The following SMARCAD1 variants were observed in gnomAD, a reference collection of about 807,000 sequenced individuals.
The protein encoded by SMARCAD1 is SNF2 related chromatin remodeling ATPase with DExD box 1, also known as SWI/SNF-related matrix-associated actin-dependent regulator of chromatin subfamily A containing DEAD/H box 1.
A neutral mutation model predicts 127.1 loss-of-function variants in SMARCAD1; 25 were observed. The ratio of observed to expected loss-of-function variants is 0.20; its 90% CI spans 0.14 to 0.27. SMARCAD1 has a LOEUF of 0.27. Ranked by LOEUF, SMARCAD1 falls within the 10% of genes least tolerant of loss-of-function variation. The pLI, the probability that SMARCAD1 is intolerant of heterozygous loss-of-function variation, is 1.00. For missense variants in SMARCAD1, 807 were observed against 1,206.0 expected (o/e 0.67, Z 4.90); for synonymous variants, 400 against 396.9 (o/e 1.01, Z -0.09).
intron 10 of SMARCAD1, among the ~76,000 whole-genome samples, chr4:94,267,443 T>C (rs1425472314): frequency 6.6e-6 from 1 of 152,170 alleles, no homozygotes; most frequent in African/African-American, 2.4e-5. Flanking sequence ...AACAAGTCTC[T>C]CTAGCCCTGT....
chr4:94,259,627 G>A (rs145006766), intron 9 of SMARCAD1, among the ~76,000 whole-genome samples: 150 of 152,086 alleles, frequency 9.9e-4, no homozygotes, highest in Non-Finnish European at 1.8e-3. Context: ...CTGTTAAAGC[G>A]TCCTGAAGTA....
intron 6 of SMARCAD1, among the ~76,000 whole-genome samples, chr4:94,248,140 T>C (rs898355185): frequency 6.6e-6 from 1 of 152,192 alleles, no homozygotes; most frequent in Non-Finnish European, 1.5e-5. Flanking sequence ...TAGGAAATGG[T>C]TTCCAGCTAC....
rs189958784 is a variant in SMARCAD1 at position 94,289,712 on chromosome 4, C to T, written c.*178C>T. On this transcript the variant is annotated 3_prime_UTR_variant, in exon 24 of 24. Coordinates refer to ENST00000354268, the MANE Select transcript of SMARCAD1 (RefSeq NM_020159.5). The stretch of plus-strand genomic sequence containing the variant: ...TAACTGAATTCTCCAAATACTCACA[C>T]GTGAAATTTCAAAAAAGAAGCCACA... 125 of 700,392 alleles carry T rather than the reference C, an allele frequency of 1.8e-4. No individual in the cohort carries two copies. In the African/African-American group the frequency reaches 2.0e-3, roughly 11 times the overall value. The allele number at this position is 700,392 out of a possible 1,614,324, so 43.4% of individuals were successfully genotyped here.
At chr4:94,223,734 ATT>A (rs944591007) in intron 2 of SMARCAD1, among the ~76,000 whole-genome samples, 3 of 100,168 alleles carry the variant, frequency 3.0e-5, no homozygotes, top group Non-Finnish European at 2.0e-5. Flanking sequence ...CTCCCGGCTA[ATT>A]TTTTTTTTTT....
Position 94,278,947 on chromosome 4 carries a change from G to A in SMARCAD1, c.2315G>A (p.Cys772Tyr), listed in dbSNP as rs754527654. 5 of 1,613,952 alleles carry A rather than the reference G, an allele frequency of 3.1e-6. No homozygotes were observed. The highest frequency in any genetic ancestry group is 4.2e-6 in the Non-Finnish European group (5 of 1,179,948). The change falls in exon 19 of 24, where the codon TGC becomes TAC. Residue 772 changes from cysteine (C) to tyrosine (Y), a missense_variant. Coordinates refer to ENST00000354268, the MANE Select transcript of SMARCAD1 (RefSeq NM_020159.5). Reference protein sequence around the residue: ...INNLEKNTEMCNVMMQLRKMA... With the variant: ...INNLEKNTEMYNVMMQLRKMA... ...GTCACAGAAAAAAACACAGAAATGT[G>A]CAATGTCATGATGCAGTTGAGGAAA... is the stretch of plus-strand genomic sequence containing the variant.
At chr4:94,278,285 C>T in intron 16 of SMARCAD1, 137 bp from the exon 17 acceptor site, 1 of 739,596 alleles carries the variant, frequency 1.4e-6, no homozygotes, top group Admixed American at 2.4e-5. Flanking sequence ...ATGTGAAGTG[C>T]CATCTAGAAT....
At chr4:94,253,688 T>C in intron 9 of SMARCAD1, 1 of 996,588 alleles carries the variant, frequency 1.0e-6, no homozygotes, top group South Asian at 4.4e-5. Flanking sequence ...ACACTTTGCA[T>C]GATCATTTTC....
At chr4:94,223,435 A>T (rs191263255) in intron 2 of SMARCAD1, among the ~76,000 whole-genome samples, 1 of 151,844 alleles carries the variant, frequency 6.6e-6, no homozygotes, top group African/African-American at 2.4e-5. Flanking sequence ...GGAGGTTGCA[A>T]TGAGCTGAGA....
At chr4:94,275,964 A>AT (rs1186446024) in intron 14 of SMARCAD1, among the ~76,000 whole-genome samples, 2 of 151,446 alleles carry the variant, frequency 1.3e-5, no homozygotes, top group Non-Finnish European at 2.9e-5. Flanking sequence ...CACCCGGCTA[A>AT]TTTTTTATAT....
chr4:94,284,044 G>A (rs188149214), intron 22 of SMARCAD1, among the ~76,000 whole-genome samples: 171 of 151,926 alleles, frequency 1.1e-3, no homozygotes, highest in African/African-American at 2.9e-3. Context: ...GAAGATAGCC[G>A]GGCACGGTGG....
chr4:94,273,356 CTT>C (rs2125983139), intron 11 of SMARCAD1, among the ~76,000 whole-genome samples: 1 of 152,270 alleles, frequency 6.6e-6, no homozygotes, highest in East Asian at 1.9e-4. Context: ...TGCAAAAAGT[CTT>C]CCATATTAAT....
chr4:94,242,765 T>A (rs1337802411), intron 6 of SMARCAD1, among the ~76,000 whole-genome samples: 1 of 151,844 alleles, frequency 6.6e-6, no homozygotes, highest in African/African-American at 2.4e-5. Flanking sequence ...AAAATTTTTT[T>A]AATTAGCTGG....
At chr4:94,214,455 G>T (rs1333295477) in intron 2 of SMARCAD1, among the ~76,000 whole-genome samples, 1 of 151,030 alleles carries the variant, frequency 6.6e-6, no homozygotes. Flanking sequence ...TTTTAGTAGA[G>T]ACCCGGTTTC....
At position 94,250,733 on chromosome 4, in the gene SMARCAD1, A is replaced by C. The variant is rs778122049; in HGVS notation, c.808-19A>C. ...CTAATTTGAGATTTTTAACAAAAAGATAAATGACTTATTTCTAGGAACTTA... is the reference window on the plus strand; with the variant it reads ...CTAATTTGAGATTTTTAACAAAAAGCTAAATGACTTATTTCTAGGAACTTA... On this transcript the variant is annotated intron_variant, in intron 7 of 23. Coordinates refer to ENST00000354268, the MANE Select transcript of SMARCAD1 (RefSeq NM_020159.5). The C allele has an allele frequency of 6.4e-7, 1 of 1,554,978 alleles. No homozygotes were observed. Among genetic ancestry groups the C allele is most frequent in the Non-Finnish European group, 8.7e-7 (1 of 1,145,790 alleles).
At chr4:94,259,056 A>G (rs1433257830) in intron 9 of SMARCAD1, among the ~76,000 whole-genome samples, 1 of 152,164 alleles carries the variant, frequency 6.6e-6, no homozygotes, top group Non-Finnish European at 1.5e-5. Context: ...CATTACCCAC[A>G]ATATATTAAG....
intron 2 of SMARCAD1, among the ~76,000 whole-genome samples, chr4:94,210,254 A>G (rs1457377993): frequency 6.6e-6 from 1 of 152,250 alleles, no homozygotes; most frequent in African/African-American, 2.4e-5. Context: ...GCTTCGGGAA[A>G]TAAGAAAACT....
At chr4:94,226,358 T>G in intron 3 of SMARCAD1, 62 bp downstream of exon 3, 1 of 1,325,428 alleles carries the variant, frequency 7.5e-7, no homozygotes, top group Non-Finnish European at 1.1e-6. Flanking sequence ...GAAAAAAACC[T>G]ACCTAATTTG....
At position 94,208,343 on chromosome 4, in the gene SMARCAD1, C is replaced by G; in HGVS notation, c.-49-3C>G. ...TTTTCCTCTCTTTATTTTTCCCCTGCAGATAGTTCATTTAAAGCCCCCATC... is the reference window on the plus strand; with the variant it reads ...TTTTCCTCTCTTTATTTTTCCCCTGGAGATAGTTCATTTAAAGCCCCCATC... On this transcript the variant is annotated splice_polypyrimidine_tract_variant and splice_region_variant and intron_variant, in intron 1 of 23. Coordinates refer to ENST00000354268, the MANE Select transcript of SMARCAD1 (RefSeq NM_020159.5). 1 of 1,565,566 alleles carries G rather than the reference C, an allele frequency of 6.4e-7. No individual in the cohort carries two copies. Among genetic ancestry groups the G allele is most frequent in the Non-Finnish European group, 8.8e-7 (1 of 1,136,890 alleles).
At chr4:94,223,040 CAA>C in intron 2 of SMARCAD1, among the ~76,000 whole-genome samples, 1 of 152,124 alleles carries the variant, frequency 6.6e-6, no homozygotes, top group South Asian at 2.1e-4. Flanking sequence ...GGGAGAAAAA[CAA>C]AGAAAAGGTC....
Sources: allele counts gnomAD v4.1 joint callset (sites outside exome capture counted in the v4.1 genomes callset), GRCh38; gene constraint gnomAD v4.1.1; transcripts MANE v1.5; gene names NCBI Gene and HGNC (gene_info 2026-07-23, HGNC 2026-07-21).